NPAS3: variants seen among roughly 807,000 people sequenced by gnomAD.
The protein encoded by NPAS3 is neuronal PAS domain protein 3, also known as neuronal PAS domain-containing protein 3.
Under a neutral mutation model 73.1 loss-of-function variants are expected in NPAS3, and 14 were observed. The ratio of observed to expected loss-of-function variants is 0.19; its 90% confidence interval spans 0.13 to 0.30. The LOEUF (loss-of-function observed/expected upper bound fraction) is 0.30, where lower values mean the gene tolerates loss of function less well. Among genes scored for constraint, NPAS3 ranks in the 10% least tolerant of loss-of-function variants. NPAS3 has a pLI of 1.00. For missense variants in NPAS3, 1,096 were observed against 1,250.0 expected, an observed-to-expected ratio of 0.88 and a Z score of 1.86; for synonymous variants, 620 against 541.5, an observed-to-expected ratio of 1.14 and a Z score of -2.01.
chr14:33,790,090 T>A (rs546463880), intron 9 of NPAS3, among the ~76,000 whole-genome samples: 1 of 152,318 alleles, frequency 6.6e-6, no homozygotes, highest in South Asian at 2.1e-4. Flanking sequence ...TTAGAATCTC[T>A]CCTTCTAGTT....
chr14:33,019,676 T>C (rs759114669), intron 1 of NPAS3, among the ~76,000 whole-genome samples: 3 of 152,228 alleles, frequency 2.0e-5, no homozygotes, highest in Non-Finnish European at 2.9e-5. Flanking sequence ...GTGTAATTGA[T>C]GCAAGTCCTT....
intron 2 of NPAS3, among the ~76,000 whole-genome samples, chr14:33,177,657 C>T (rs1866081324): frequency 6.6e-6 from 1 of 151,340 alleles, no homozygotes; most frequent in African/African-American, 2.5e-5. Flanking sequence ...TAGCATTGAT[C>T]CATTTTACAT....
chr14:33,167,946 C>T lies in NPAS3; in HGVS notation c.141-47236C>T, dbSNP rs536163464. On this transcript the variant is annotated intron_variant, in intron 2 of 11. Transcript: ENST00000356141. The stretch of plus-strand genomic sequence containing the variant: ...TCCATGCCCTGGGAGATGCGATCGC[C>T]TAAATAAGTCTCACACACAGCTTCT... 3.3e-5 allele frequency among the ~76,000 whole-genome samples: 5 copies of T among 152,324 alleles called. No homozygotes were observed. In the South Asian group the frequency reaches 1.0e-3, roughly 32 times the overall value.
intron 1 of NPAS3, among the ~76,000 whole-genome samples, chr14:32,966,729 C>T (rs1482265261): frequency 1.4e-5 from 1 of 71,594 alleles, no homozygotes; most frequent in East Asian, 2.1e-4. Flanking sequence ...GAGATTGCGC[C>T]ACTGCAGTCC....
At chr14:33,309,948 G>C (rs2042931078) in intron 3 of NPAS3, among the ~76,000 whole-genome samples, 1 of 152,086 alleles carries the variant, frequency 6.6e-6, no homozygotes, top group Non-Finnish European at 1.5e-5. Context: ...CTTCCTGCTG[G>C]AATGTTGGGC....
intron 2 of NPAS3, among the ~76,000 whole-genome samples, chr14:33,158,915 C>A (rs1366138540): frequency 6.6e-6 from 1 of 152,180 alleles, no homozygotes; most frequent in African/African-American, 2.4e-5. Flanking sequence ...GTAATCCCAG[C>A]ACTTTGAGAG....
At chr14:33,127,518 T>C (rs10136259) in intron 2 of NPAS3, among the ~76,000 whole-genome samples, 40,376 of 151,960 alleles carry the variant, frequency 0.27, 5,694 homozygotes, top group East Asian at 0.4. Context: ...TCTACTTGTG[T>C]TACTTTGGGC....
chr14:33,346,022 G>A (rs1199389738), intron 3 of NPAS3, among the ~76,000 whole-genome samples: 1 of 151,698 alleles, frequency 6.6e-6, no homozygotes, highest in Non-Finnish European at 1.5e-5. Flanking sequence ...CACAAGGTCA[G>A]GAGTTCGAGA....
At chr14:33,080,414 A>AT (rs1186627901) in intron 2 of NPAS3, among the ~76,000 whole-genome samples, 1 of 152,276 alleles carries the variant, frequency 6.6e-6, no homozygotes, top group East Asian at 1.9e-4. Flanking sequence ...CCCCAGTCTG[A>AT]TTTTTTTAGG....
At chr14:33,515,597 C>T (rs2053259072) in intron 4 of NPAS3, among the ~76,000 whole-genome samples, 2 of 152,064 alleles carry the variant, frequency 1.3e-5, no homozygotes, top group East Asian at 3.9e-4. Context: ...GAGCATATCG[C>T]CCACGAATCC....
At chr14:33,041,768 A>G (rs2040354900) in intron 1 of NPAS3, among the ~76,000 whole-genome samples, 1 of 152,164 alleles carries the variant, frequency 6.6e-6, no homozygotes, top group South Asian at 2.1e-4. Flanking sequence ...ACAGGTTTAT[A>G]TAGCAGGGAG....
intron 2 of NPAS3, among the ~76,000 whole-genome samples, chr14:33,087,925 C>A (rs1462567530): frequency 6.6e-6 from 1 of 152,176 alleles, no homozygotes; most frequent in Non-Finnish European, 1.5e-5. Flanking sequence ...GTACCTCACC[C>A]ATCTGGAGAC....
chr14:32,969,147 C>G (rs750478258), intron 1 of NPAS3, among the ~76,000 whole-genome samples: 2 of 152,158 alleles, frequency 1.3e-5, no homozygotes, highest in Non-Finnish European at 2.9e-5. Context: ...CTGGTAGTCT[C>G]AGTCCCTCAC....
intron 5 of NPAS3, among the ~76,000 whole-genome samples, chr14:33,619,919 G>A (rs1331469890): frequency 6.6e-6 from 1 of 152,176 alleles, no homozygotes; most frequent in Non-Finnish European, 1.5e-5. Flanking sequence ...AAAAGGTCTT[G>A]TGATCCCATA....
intron 3 of NPAS3, among the ~76,000 whole-genome samples, chr14:33,271,671 C>G (rs1263480116): frequency 6.6e-6 from 1 of 152,090 alleles, no homozygotes; most frequent in Non-Finnish European, 1.5e-5. Context: ...AAAAATTCCT[C>G]CCTGGTTTGC....
chr14:33,263,233 T>C (rs1453227359), intron 3 of NPAS3, among the ~76,000 whole-genome samples: 2 of 152,118 alleles, frequency 1.3e-5, no homozygotes, highest in Non-Finnish European at 2.9e-5. Context: ...GGTTTTCTTC[T>C]AGAGTTTTTA....
intron 4 of NPAS3, among the ~76,000 whole-genome samples, chr14:33,440,070 C>G (rs1312236897): frequency 1.3e-5 from 2 of 149,434 alleles, no homozygotes; most frequent in Admixed American, 1.3e-4. Flanking sequence ...TAGCCCAGAT[C>G]GTGCCACTGC....
At chr14:33,006,391 T>C (rs566786515) in intron 1 of NPAS3, among the ~76,000 whole-genome samples, 159 of 152,292 alleles carry the variant, frequency 1.0e-3, no homozygotes, top group African/African-American at 3.6e-3. Flanking sequence ...ACTTAAGACT[T>C]CGGTAGAGAA....
intron 2 of NPAS3, among the ~76,000 whole-genome samples, chr14:33,170,326 CAT>C (rs778487059): frequency 2.0e-5 from 3 of 152,156 alleles, no homozygotes; most frequent in Non-Finnish European, 4.4e-5. Context: ...TTTCTAAAAA[CAT>C]GTGAACAATC....
Sources: allele counts gnomAD v4.1 joint callset (sites outside exome capture counted in the v4.1 genomes callset), GRCh38; gene constraint gnomAD v4.1.1; transcripts MANE v1.5; gene names NCBI Gene and HGNC (gene_info 2026-07-23, HGNC 2026-07-21).